Variants in RAP1GDS1 observed in about 807,000 individuals in gnomAD.
The protein encoded by RAP1GDS1 is Rap1 GTPase-GDP dissociation stimulator 1.
RAP1GDS1 carries 35 observed loss-of-function variants against 71.1 expected under a neutral mutation model. That is an observed-to-expected ratio of 0.49 (90% CI 0.38 to 0.65). RAP1GDS1 has a LOEUF of 0.65. RAP1GDS1 is among the 30% of genes least tolerant of loss of function. The pLI is 0.00. For synonymous variants in RAP1GDS1, 229 were observed against 243.1 expected, an observed-to-expected ratio of 0.94 and a Z score of 0.54; for missense variants, 663 against 706.1, an observed-to-expected ratio of 0.94 and a Z score of 0.69.
At chr4:98,380,111 A>G (rs1252669429) in intron 5 of RAP1GDS1, among the ~76,000 whole-genome samples, 1 of 151,092 alleles carries the variant, frequency 6.6e-6, no homozygotes, top group Admixed American at 6.6e-5. Context: ...AAACCTTGGC[A>G]ATAAATGGCT....
At chr4:98,271,175 A>G (rs1723408152) in intron 1 of RAP1GDS1, among the ~76,000 whole-genome samples, 1 of 152,126 alleles carries the variant, frequency 6.6e-6, no homozygotes, top group African/African-American at 2.4e-5. Context: ...TTAATTCCAA[A>G]GTCCTTTTTG....
intron 3 of RAP1GDS1, 133 bp downstream of exon 3, chr4:98,343,394 A>C: frequency 8.7e-7 from 1 of 1,142,972 alleles, no homozygotes; most frequent in Non-Finnish European, 1.2e-6. Context: ...CTTTTGTTTG[A>C]CTCTTCATGT....
At chr4:98,335,545 A>G (rs1734593487) in intron 2 of RAP1GDS1, among the ~76,000 whole-genome samples, 1 of 150,122 alleles carries the variant, frequency 6.7e-6, no homozygotes, top group Non-Finnish European at 1.5e-5. Flanking sequence ...GGAAAATATG[A>G]AAAAGTTTTT....
At chr4:98,272,445 AGTG>A (rs1046174965) in intron 1 of RAP1GDS1, among the ~76,000 whole-genome samples, 1 of 152,120 alleles carries the variant, frequency 6.6e-6, no homozygotes, top group Non-Finnish European at 1.5e-5. Context: ...TGAGAGGTCA[AGTG>A]AATATGGCAG....
At chr4:98,353,005 CG>C (rs1306529539) in intron 4 of RAP1GDS1, among the ~76,000 whole-genome samples, 1 of 152,130 alleles carries the variant, frequency 6.6e-6, no homozygotes, top group African/African-American at 2.4e-5. Context: ...ATTTGCAGTT[CG>C]GTAAAACCAA....
chr4:98,263,487 T>C (rs1261293831), intron 1 of RAP1GDS1, among the ~76,000 whole-genome samples: 1 of 152,240 alleles, frequency 6.6e-6, no homozygotes, highest in Non-Finnish European at 1.5e-5. Flanking sequence ...CTATCTCTCA[T>C]TTTGAAGCCA....
intron 7 of RAP1GDS1, among the ~76,000 whole-genome samples, chr4:98,407,616 CTACGCTATGTG>C (rs1746325503): frequency 2.6e-5 from 4 of 152,116 alleles, no homozygotes; most frequent in Admixed American, 2.0e-4. Context: ...CAAGTGGCAG[CTACGCTATGTG>C]TACACAAAGG....
intron 6 of RAP1GDS1, among the ~76,000 whole-genome samples, chr4:98,392,572 G>C (rs911113120): frequency 2.0e-5 from 3 of 152,112 alleles, no homozygotes; most frequent in Non-Finnish European, 4.4e-5. Flanking sequence ...GTGGTGGCTA[G>C]TGCCAGTAGT....
chr4:98,327,721 TCCCA>T (rs1163851708), intron 2 of RAP1GDS1, among the ~76,000 whole-genome samples: 1 of 152,190 alleles, frequency 6.6e-6, no homozygotes. Context: ...ACTGGTTTGG[TCCCA>T]CATTGGAGAG....
intron 4 of RAP1GDS1, among the ~76,000 whole-genome samples, chr4:98,375,156 TAGGGG>T (rs1174895290): frequency 2.0e-5 from 3 of 152,084 alleles, no homozygotes; most frequent in Non-Finnish European, 2.9e-5. Context: ...CTGAAACCTG[TAGGGG>T]AGGAGGACAT....
chr4:98,293,357 CAT>C, intron 1 of RAP1GDS1, 49 bp from the exon 2 acceptor site: 1 of 1,220,926 alleles, frequency 8.2e-7, no homozygotes, highest in Non-Finnish European at 1.2e-6. Flanking sequence ...TGTCATGTAA[CAT>C]ATGGTGGTCA....
chr4:98,352,004 T>C (rs1737274996), intron 3 of RAP1GDS1, among the ~76,000 whole-genome samples: 1 of 150,196 alleles, frequency 6.7e-6, no homozygotes, highest in Admixed American at 6.7e-5. Context: ...ATGTATATAC[T>C]TATATTTATA....
chr4:98,311,493 A>C (rs1212502332), intron 2 of RAP1GDS1, among the ~76,000 whole-genome samples: 1 of 152,232 alleles, frequency 6.6e-6, no homozygotes, highest in Non-Finnish European at 1.5e-5. Context: ...AGAACACCGT[A>C]GGAAAAATCT....
intron 3 of RAP1GDS1, among the ~76,000 whole-genome samples, chr4:98,344,641 C>A (rs1473417983): frequency 6.6e-6 from 1 of 151,964 alleles, no homozygotes; most frequent in Non-Finnish European, 1.5e-5. Flanking sequence ...CAGCTATGTT[C>A]GAAAGACATA....
intron 5 of RAP1GDS1, among the ~76,000 whole-genome samples, chr4:98,384,087 C>A (rs1291684312): frequency 6.6e-6 from 1 of 151,368 alleles, no homozygotes; most frequent in Non-Finnish European, 1.5e-5. Flanking sequence ...AATTTATTAT[C>A]TTTTTTAAAG....
At position 98,262,609 on chromosome 4, in the gene RAP1GDS1, G is replaced by T. The variant is rs1026261142; in HGVS notation, c.4+1040G>T. ...AGTTCCCCAGTTTGCTTCCACTCCT[G>T]TCTGTCATAATTTCCTCTTTTTAAA... On this transcript the variant is annotated intron_variant, in intron 1 of 14. Coordinates refer to ENST00000408927, the MANE Select transcript of RAP1GDS1 (RefSeq NM_001100427.2). Among the ~76,000 whole-genome samples, 146 of 152,252 alleles carry T rather than the reference G, an allele frequency of 9.6e-4. 2 individuals are homozygous for T. Among genetic ancestry groups the T allele is most frequent in the African/African-American group, 3.4e-3 (141 of 41,546 alleles).
chr4:98,349,855 C>A (rs1470726615), intron 3 of RAP1GDS1, among the ~76,000 whole-genome samples: 1 of 151,206 alleles, frequency 6.6e-6, no homozygotes, highest in Non-Finnish European at 1.5e-5. Context: ...TTTAATATAT[C>A]TGCCTGAAGC....
chr4:98,383,872 C>T (rs925768670), intron 5 of RAP1GDS1, among the ~76,000 whole-genome samples: 7 of 151,464 alleles, frequency 4.6e-5, no homozygotes, highest in Middle Eastern at 3.4e-3. Context: ...TACTTTATTA[C>T]GGGTGAAAAA....
At chr4:98,441,931 T>A in intron 14 of RAP1GDS1, 59 bp from the exon 15 acceptor site, 1 of 1,574,962 alleles carries the variant, frequency 6.3e-7, no homozygotes, top group Non-Finnish European at 8.7e-7. Flanking sequence ...TTGGTATATG[T>A]TTTGGATAGA....
Sources: allele counts gnomAD v4.1 joint callset (sites outside exome capture counted in the v4.1 genomes callset), GRCh38; gene constraint gnomAD v4.1.1; transcripts MANE v1.5; gene names NCBI Gene and HGNC (gene_info 2026-07-23, HGNC 2026-07-21).